MAD1L1: variants seen among roughly 807,000 people sequenced by gnomAD.
The protein encoded by MAD1L1 is mitotic spindle assembly checkpoint protein MAD1.
Under a neutral mutation model 96.9 loss-of-function variants are expected in MAD1L1, and 95 were observed. That is an observed-to-expected ratio of 0.98 (90% CI 0.83 to 1.16). The LOEUF (loss-of-function observed/expected upper bound fraction) is 1.16, where lower values mean the gene tolerates loss of function less well. Among genes scored for constraint, MAD1L1 ranks in the 50% most tolerant of loss-of-function variants. The pLI is 0.00. For missense variants in MAD1L1, 1,007 were observed against 954.4 expected (o/e 1.06, Z -0.73); for synonymous variants, 473 against 396.6 (o/e 1.19, Z -2.29).
chr7:2,098,586 C>T (rs1786618581), intron 11 of MAD1L1, among the ~76,000 whole-genome samples: 2 of 152,048 alleles, frequency 1.3e-5, no homozygotes, highest in Admixed American at 6.5e-5. Context: ...TAAGGACGGC[C>T]CCCTCAAACA....
chr7:1,817,676 AC>A (rs1286011271), intron 18 of MAD1L1, among the ~76,000 whole-genome samples: 1 of 152,160 alleles, frequency 6.6e-6, no homozygotes, highest in Non-Finnish European at 1.5e-5. Context: ...GGAACGGTAG[AC>A]TAATGGAGCG....
chr7:2,057,332 C>T (rs573733731), intron 12 of MAD1L1, among the ~76,000 whole-genome samples: 10 of 152,204 alleles, frequency 6.6e-5, no homozygotes, highest in Admixed American at 1.3e-4. Context: ...TCCTGGCCAA[C>T]GTGGCAAAAT....
chr7:2,085,545 C>T (rs1046038377), intron 11 of MAD1L1, among the ~76,000 whole-genome samples: 6 of 152,220 alleles, frequency 3.9e-5, no homozygotes, highest in Non-Finnish European at 8.8e-5. Flanking sequence ...GGGACTTTGC[C>T]TATTCTGGGC....
At chr7:2,029,966 C>T (rs377088738) in intron 12 of MAD1L1, among the ~76,000 whole-genome samples, 14 of 152,308 alleles carry the variant, frequency 9.2e-5, no homozygotes, top group African/African-American at 3.1e-4. Flanking sequence ...CGCCCAGACA[C>T]GAGTGCCAGG....
chr7:1,963,069 G>T (rs945312838), intron 15 of MAD1L1, among the ~76,000 whole-genome samples: 1 of 152,216 alleles, frequency 6.6e-6, no homozygotes, highest in Non-Finnish European at 1.5e-5. Context: ...CGTTACACAC[G>T]TGACCGCCAG....
intron 17 of MAD1L1, among the ~76,000 whole-genome samples, chr7:1,933,239 G>C (rs558610452): frequency 1.3e-5 from 2 of 152,204 alleles, no homozygotes; most frequent in Admixed American, 6.5e-5. Context: ...GGGATACTCC[G>C]GGTAGGAGCA....
intron 10 of MAD1L1, among the ~76,000 whole-genome samples, chr7:2,187,620 G>C (rs918403612): frequency 1.3e-5 from 2 of 152,076 alleles, no homozygotes. Flanking sequence ...AGGAGTACTG[G>C]GCCCAGTTAA....
intron 17 of MAD1L1, among the ~76,000 whole-genome samples, chr7:1,904,093 C>A (rs12672326): frequency 1.1e-5 from 1 of 93,780 alleles, no homozygotes; most frequent in East Asian, 4.7e-4. Flanking sequence ...CTACTGAAGA[C>A]GCTCTTGCGG....
At chr7:1,998,572 C>T (rs1031666437) in intron 14 of MAD1L1, among the ~76,000 whole-genome samples, 1 of 152,206 alleles carries the variant, frequency 6.6e-6, no homozygotes, top group Admixed American at 6.5e-5. Flanking sequence ...AGGGCATCTT[C>T]AGATGGGAGC....
intron 12 of MAD1L1, among the ~76,000 whole-genome samples, chr7:2,061,202 T>C (rs1784645967): frequency 6.6e-6 from 1 of 152,176 alleles, no homozygotes; most frequent in South Asian, 2.1e-4. Context: ...CTGGGCGTGC[T>C]GGCGCGTGCC....
chr7:2,052,771 GGGCAT>G (rs993782707), intron 12 of MAD1L1, among the ~76,000 whole-genome samples: 1 of 152,212 alleles, frequency 6.6e-6, no homozygotes, highest in African/African-American at 2.4e-5. Flanking sequence ...CAGCTGGCAT[GGGCAT>G]GGCCCTGGCG....
Position 2,161,470 on chromosome 7 carries a change from A to G in MAD1L1, c.987-12232T>C, listed in dbSNP as rs372812954. On this transcript the variant is annotated intron_variant, in intron 10 of 18. Coordinates refer to ENST00000265854, the MANE Select transcript of MAD1L1 (RefSeq NM_001013836.2). ...CGGCTCGCTACAACCTTCACCTCCC[A>G]GCCGCCTGACTTGGCCTCCCAAAGT... 7.9e-5 allele frequency among the ~76,000 whole-genome samples: 12 copies of G among 152,026 alleles called. No homozygotes were observed. In the East Asian group the frequency reaches 1.4e-3, roughly 17 times the overall value.
rs552369795 is a variant in MAD1L1 at position 1,938,274 on chromosome 7, A to G, written c.1597-1377T>C. Among the ~76,000 whole-genome samples, 341 of 150,560 alleles carry G rather than the reference A, an allele frequency of 2.3e-3. 1 individual carries two copies. The highest frequency in any genetic ancestry group is 4.4e-3 in the Non-Finnish European group (295 of 67,526). ...CGCCACACACAAACAACAGCCGCCCACGGCAGGGAGGTGCAGGGTCACTGC... is the reference window on the plus strand; with the variant it reads ...CGCCACACACAAACAACAGCCGCCCGCGGCAGGGAGGTGCAGGGTCACTGC... On this transcript the variant is annotated intron_variant, in intron 16 of 18. Transcript: ENST00000265854.
At chr7:2,197,259 T>G (rs1792039138) in intron 10 of MAD1L1, among the ~76,000 whole-genome samples, 1 of 152,162 alleles carries the variant, frequency 6.6e-6, no homozygotes, top group African/African-American at 2.4e-5. Flanking sequence ...GCCTCTCAAG[T>G]GTCATCTCTT....
chr7:2,100,320 G>C (rs1055771943), intron 11 of MAD1L1, among the ~76,000 whole-genome samples: 1 of 152,242 alleles, frequency 6.6e-6, no homozygotes, highest in African/African-American at 2.4e-5. Flanking sequence ...CTCTATGGCA[G>C]AAAGCACGGC....
chr7:1,840,948 C>T (rs1236866955), intron 18 of MAD1L1, among the ~76,000 whole-genome samples: 1 of 152,222 alleles, frequency 6.6e-6, no homozygotes, highest in African/African-American at 2.4e-5. Context: ...TAGAGCAAAC[C>T]CTGGCGGGGC....
intron 17 of MAD1L1, among the ~76,000 whole-genome samples, chr7:1,906,231 C>T (rs925940600): frequency 2.0e-5 from 3 of 152,112 alleles, no homozygotes; most frequent in East Asian, 1.9e-4. Flanking sequence ...CCCCGAACCC[C>T]AAGCAGCCTC....
chr7:2,230,796 C>A (rs1334889106), intron 1 of MAD1L1, 69 bp from the exon 2 acceptor site: 1 of 152,574 alleles, frequency 6.6e-6, no homozygotes, highest in African/African-American at 2.4e-5. Context: ...CGCCTTTTCT[C>A]TGTTTTTGTC....
intron 17 of MAD1L1, among the ~76,000 whole-genome samples, chr7:1,924,942 C>T (rs1458915242): frequency 6.6e-6 from 1 of 151,820 alleles, no homozygotes; most frequent in Non-Finnish European, 1.5e-5. Flanking sequence ...AGAAAAATCA[C>T]TTTAAAAGTA....
Sources: gnomAD v4.1 joint callset for allele counts (sites outside exome capture counted in the v4.1 genomes callset) on GRCh38, gnomAD v4.1.1 for gene constraint, MANE v1.5 for transcripts, NCBI Gene and HGNC (gene_info 2026-07-23, HGNC 2026-07-21) for gene names.